The following MYCBP2 variants were observed in gnomAD, a reference collection of about 807,000 sequenced individuals.
MYCBP2 encodes the protein MYC binding protein 2, also known as E3 ubiquitin-protein ligase MYCBP2.
MYCBP2 carries 120 observed loss-of-function variants against 525.3 expected under a neutral mutation model. That is an observed-to-expected ratio of 0.23 (90% CI 0.20 to 0.27). The LOEUF (loss-of-function observed/expected upper bound fraction) is 0.27, where lower values mean the gene tolerates loss of function less well. Among genes scored for constraint, MYCBP2 ranks in the 10% least tolerant of loss-of-function variants. MYCBP2 has a pLI of 1.00. For synonymous variants in MYCBP2, 1,894 were observed against 1,955.8 expected, an observed-to-expected ratio of 0.97 and a Z score of 0.83; for missense variants, 4,149 against 5,657.1, an observed-to-expected ratio of 0.73 and a Z score of 8.55.
At chr13:77,222,079 T>C (rs1470909312) in intron 20 of MYCBP2, among the ~76,000 whole-genome samples, 2 of 152,218 alleles carry the variant, frequency 1.3e-5, no homozygotes, top group African/African-American at 4.8e-5. Flanking sequence ...AACTATGTTT[T>C]CTGTCAAGAT....
intron 52 of MYCBP2, among the ~76,000 whole-genome samples, chr13:77,131,779 G>A (rs1231223660): frequency 6.6e-6 from 1 of 152,030 alleles, no homozygotes; most frequent in Non-Finnish European, 1.5e-5. Context: ...GAAAAGTTCT[G>A]TCAAGAAAAT....
chr13:77,219,701 T>A (rs2065281812), intron 20 of MYCBP2, among the ~76,000 whole-genome samples: 1 of 151,992 alleles, frequency 6.6e-6, no homozygotes, highest in East Asian at 1.9e-4. Flanking sequence ...ATTTCTTACA[T>A]CTGTTGCAAT....
intron 62 of MYCBP2, among the ~76,000 whole-genome samples, chr13:77,085,108 C>T (rs1222352842): frequency 6.6e-6 from 1 of 152,040 alleles, no homozygotes; most frequent in Non-Finnish European, 1.5e-5. Flanking sequence ...TTCATCGTAA[C>T]TATAACTAGA....
intron 43 of MYCBP2, 69 bp downstream of exon 43, chr13:77,164,385 G>A: frequency 2.1e-6 from 2 of 940,088 alleles, no homozygotes; most frequent in Non-Finnish European, 1.7e-6. Context: ...TCTATTTTTG[G>A]CCCTTTTATA....
rs1338406520 is a variant in MYCBP2 at position 77,077,137 on chromosome 13, A to C, written c.11724+11T>G. ...TTATCCTGTGCTAGAATATGTTGTA[A>C]GGACACTCACTTGAGACGTAATCAG... On this transcript the variant is annotated intron_variant, in intron 67 of 82. Coordinates refer to ENST00000544440, the MANE Select transcript of MYCBP2 (RefSeq NM_015057.5). 6.2e-7 allele frequency: 1 copy of C among 1,612,294 alleles called. No individual in the cohort carries two copies. The highest frequency in any genetic ancestry group is 1.1e-5 in the South Asian group (1 of 90,986).
intron 49 of MYCBP2, among the ~76,000 whole-genome samples, chr13:77,141,829 T>C (rs1241466865): frequency 6.7e-6 from 1 of 149,356 alleles, no homozygotes; most frequent in Non-Finnish European, 1.5e-5. Flanking sequence ...AAATGCACAA[T>C]AAATGCTAGC....
intron 49 of MYCBP2, among the ~76,000 whole-genome samples, chr13:77,143,385 G>A (rs961941345): frequency 1.3e-5 from 2 of 152,090 alleles, no homozygotes; most frequent in Admixed American, 1.3e-4. Flanking sequence ...CTATTTTTTG[G>A]AGCTTGGATA....
At chr13:77,056,490 A>C (rs147094928) in intron 79 of MYCBP2, among the ~76,000 whole-genome samples, 10 of 152,318 alleles carry the variant, frequency 6.6e-5, no homozygotes, top group African/African-American at 2.4e-4. Flanking sequence ...TTGCCAAAAC[A>C]ACTTCCTACT....
At chr13:77,204,017 A>G (rs1344127088) in intron 26 of MYCBP2, among the ~76,000 whole-genome samples, 1 of 151,978 alleles carries the variant, frequency 6.6e-6, no homozygotes, top group Non-Finnish European at 1.5e-5. Context: ...CACCAAAAGC[A>G]ATGGCAACAA....
At chr13:77,296,295 T>C (rs1040329802) in intron 2 of MYCBP2, among the ~76,000 whole-genome samples, 4 of 152,026 alleles carry the variant, frequency 2.6e-5, no homozygotes, top group South Asian at 2.1e-4. Context: ...TGGCATTTAC[T>C]TGTAGTCCCA....
intron 46 of MYCBP2, among the ~76,000 whole-genome samples, chr13:77,155,509 A>T (rs1242821611): frequency 6.6e-6 from 1 of 152,170 alleles, no homozygotes; most frequent in East Asian, 1.9e-4. Flanking sequence ...ATTATGTATA[A>T]TATGCTCTGA....
chr13:77,172,992 TA>T (rs998746451), intron 37 of MYCBP2, among the ~76,000 whole-genome samples: 19 of 152,146 alleles, frequency 1.2e-4, no homozygotes, highest in African/African-American at 4.3e-4. Context: ...CAAGGTGAAA[TA>T]ACACAGGTAA....
chr13:77,056,394 C>T (rs1326093785), intron 79 of MYCBP2, among the ~76,000 whole-genome samples: 3 of 151,950 alleles, frequency 2.0e-5, no homozygotes, highest in Non-Finnish European at 2.9e-5. Context: ...ATAGGGAGAG[C>T]TTAATAGAAC....
chr13:77,206,611 C>A, intron 24 of MYCBP2, 42 bp downstream of exon 24: 1 of 1,483,440 alleles, frequency 6.7e-7, no homozygotes, highest in Non-Finnish European at 9.0e-7. Flanking sequence ...CTGGACAGCA[C>A]ACATTAATGT....
intron 8 of MYCBP2, 52 bp downstream of exon 8, chr13:77,267,789 T>C: frequency 7.5e-7 from 1 of 1,326,290 alleles, no homozygotes; most frequent in Non-Finnish European, 1.1e-6. Flanking sequence ...TAGCTTAACA[T>C]GCACATTTCT....
At chr13:77,084,880 T>TCCCACAC (rs1446167498) in intron 62 of MYCBP2, among the ~76,000 whole-genome samples, 1 of 151,948 alleles carries the variant, frequency 6.6e-6, no homozygotes, top group African/African-American at 2.4e-5. Flanking sequence ...GCTTCCCACA[T>TCCCACAC]CCCAAAGTTA....
intron 49 of MYCBP2, 76 bp downstream of exon 49, chr13:77,144,369 C>A: frequency 2.8e-6 from 3 of 1,055,054 alleles, no homozygotes; most frequent in African/African-American, 1.6e-5. Context: ...AGTTAATGGG[C>A]AAAACTAGAA....
intron 68 of MYCBP2, among the ~76,000 whole-genome samples, chr13:77,074,002 G>GC (rs34371055): frequency 0.052 from 5,558 of 106,328 alleles, 175 homozygotes; most frequent in East Asian, 0.16. Context: ...CATCCCCACC[G>GC]CCCCCCCCCC....
In MYCBP2 at chr13:77,211,938, G is replaced by A. The variant is rs372351334; in HGVS notation, c.3262+18C>T. 316 of 1,587,956 alleles carry A rather than the reference G, an allele frequency of 2.0e-4. No homozygotes were observed. The highest frequency in any genetic ancestry group is 2.4e-4 in the Non-Finnish European group (283 of 1,156,924). The stretch of plus-strand genomic sequence containing the variant: ...AGACAAGAGTTTGGAAGGGGCATTT[G>A]TTTATTTCTGGTATTACCTATTATG... On this transcript the variant is annotated intron_variant, in intron 22 of 82. Transcript: ENST00000544440.
Sources: gnomAD v4.1 joint callset for allele counts (sites outside exome capture counted in the v4.1 genomes callset) on GRCh38, gnomAD v4.1.1 for gene constraint, MANE v1.5 for transcripts, NCBI Gene and HGNC (gene_info 2026-07-23, HGNC 2026-07-21) for gene names.